ATP9B: variants seen among roughly 807,000 people sequenced by gnomAD.
ATP9B encodes the protein probable phospholipid-transporting ATPase IIB.
In ATP9B, 110 loss-of-function variants were observed where a neutral mutation model predicts 146.1. The observed-to-expected ratio is 0.75, with a 90% CI of 0.65 to 0.88. The LOEUF (loss-of-function observed/expected upper bound fraction) is 0.88, where lower values mean the gene tolerates loss of function less well. ATP9B is among the 40% of genes least tolerant of loss of function. The pLI, the probability that ATP9B is intolerant of heterozygous loss-of-function variation, is 0.00. For missense variants in ATP9B, 1,499 were observed against 1,496.4 expected, an observed-to-expected ratio of 1.00 and a Z score of -0.03; for synonymous variants, 604 against 569.7, an observed-to-expected ratio of 1.06 and a Z score of -0.86.
At chr18:79,078,147 G>C (rs540369666) in intron 1 of ATP9B, 4 of 152,450 alleles carry the variant, frequency 2.6e-5, no homozygotes, top group African/African-American at 9.6e-5. Context: ...ACTCTTTGCT[G>C]TTCAATGTAG....
At chr18:79,270,096 T>C in intron 12 of ATP9B, among the ~76,000 whole-genome samples, 1 of 152,246 alleles carries the variant, frequency 6.6e-6, no homozygotes, top group Non-Finnish European at 1.5e-5. Context: ...CCTTTCTTCT[T>C]AGCCTTTTGG....
At chr18:79,348,289 A>C in intron 25 of ATP9B, 93 bp downstream of exon 25, 13 of 1,166,792 alleles carry the variant, frequency 1.1e-5, no homozygotes, top group Non-Finnish European at 1.6e-5. Context: ...TATATAGAAG[A>C]TTCTTGATAC....
At chr18:79,197,157 A>G (rs895911784) in intron 9 of ATP9B, among the ~76,000 whole-genome samples, 1 of 152,200 alleles carries the variant, frequency 6.6e-6, no homozygotes, top group Non-Finnish European at 1.5e-5. Context: ...TAAAATTGGT[A>G]AGCAGTAACA....
At chr18:79,143,103 C>A (rs1348376510) in intron 5 of ATP9B, among the ~76,000 whole-genome samples, 1 of 151,744 alleles carries the variant, frequency 6.6e-6, no homozygotes, top group Non-Finnish European at 1.5e-5. Flanking sequence ...GGGGCAGAGA[C>A]AGACAGAAAG....
intron 11 of ATP9B, among the ~76,000 whole-genome samples, chr18:79,248,866 G>A (rs2095995046): frequency 6.6e-6 from 1 of 152,184 alleles, no homozygotes; most frequent in South Asian, 2.1e-4. Flanking sequence ...TTCACCCAGG[G>A]TGACATCATC....
Position 79,344,154 on chromosome 18 carries a change from GATA to G in ATP9B, c.2383-106_2383-104del, listed in dbSNP as rs562117369. On this transcript the variant is annotated intron_variant, in intron 20 of 29. Transcript: ENST00000426216. ...AAATACTAAAGCTCCTTTGGTTTTA[GATA>G]ATAACCCCAGAACATTCCACTGTGA... 1.3e-4 allele frequency: 139 copies of G among 1,036,960 alleles called. No homozygotes were observed. The East Asian group carries it at 2.9e-3, about 21-fold the overall frequency. The allele number at this position is 1,036,960 out of a possible 1,614,324, so 64.2% of individuals were successfully genotyped here.
chr18:79,200,789 G>GGAGGTGGGGACTGTCGGGGTCAGA, intron 9 of ATP9B, among the ~76,000 whole-genome samples: 1 of 79,122 alleles, frequency 1.3e-5, no homozygotes, highest in Non-Finnish European at 2.9e-5. Context: ...AAGTAGTGGT[G>GGAGGTGGGGACTGTCGGGGTCAGA]GAATTGTTTT....
At chr18:79,321,179 T>C (rs988303536) in intron 15 of ATP9B, among the ~76,000 whole-genome samples, 1 of 152,200 alleles carries the variant, frequency 6.6e-6, no homozygotes, top group Non-Finnish European at 1.5e-5. Flanking sequence ...CTGCAGAGCA[T>C]GAATTAAGAT....
At chr18:79,167,264 C>T (rs574635482) in intron 7 of ATP9B, among the ~76,000 whole-genome samples, 14 of 152,252 alleles carry the variant, frequency 9.2e-5, no homozygotes, top group South Asian at 4.1e-4. Flanking sequence ...AGTTCTTGTC[C>T]GGCATCCAGG....
chr18:79,253,791 A>G (rs1039131947), intron 12 of ATP9B: 2 of 347,476 alleles, frequency 5.8e-6, no homozygotes, highest in South Asian at 9.3e-5. Context: ...TTCTTCAACA[A>G]TCAGAAGATA....
intron 15 of ATP9B, among the ~76,000 whole-genome samples, chr18:79,327,307 C>G (rs1225759637): frequency 6.6e-6 from 1 of 152,118 alleles, no homozygotes; most frequent in Non-Finnish European, 1.5e-5. Flanking sequence ...GAGGACTCAC[C>G]CAGGCTGTGA....
rs984474531 is a variant in ATP9B, at chr18:79,303,982, T to C, written c.1524+266T>C. On this transcript the variant is annotated intron_variant, in intron 14 of 29. Coordinates refer to ENST00000426216, the MANE Select transcript of ATP9B (RefSeq NM_198531.5). ...TAGTGAGTTATTTGTAAAAAATTATTCAGTAAACATTGTAGTTGAAGAATG... is the reference window on the plus strand; with the variant it reads ...TAGTGAGTTATTTGTAAAAAATTATCCAGTAAACATTGTAGTTGAAGAATG... Among the ~76,000 whole-genome samples, 7 of 152,352 alleles carry C rather than the reference T, an allele frequency of 4.6e-5. No homozygotes were observed. In the South Asian group the frequency reaches 1.5e-3, roughly 32 times the overall value.
At chr18:79,108,558 A>AGC (rs1270502764) in intron 2 of ATP9B, among the ~76,000 whole-genome samples, 3 of 152,188 alleles carry the variant, frequency 2.0e-5, no homozygotes, top group Non-Finnish European at 4.4e-5. Flanking sequence ...ACTCTTGCAA[A>AGC]GCTCAGTCTT....
intron 11 of ATP9B, among the ~76,000 whole-genome samples, chr18:79,240,008 C>T (rs1016407081): frequency 1.3e-5 from 2 of 152,200 alleles, no homozygotes; most frequent in Non-Finnish European, 2.9e-5. Context: ...CAGTCCCAAG[C>T]TTGCCTGCGC....
chr18:79,104,671 A>G (rs2075533394), intron 2 of ATP9B, among the ~76,000 whole-genome samples: 1 of 152,214 alleles, frequency 6.6e-6, no homozygotes, highest in South Asian at 2.1e-4. Context: ...TATAGATGGT[A>G]GCAGCAAAAA....
At chr18:79,169,842 T>C (rs1284245046) in intron 7 of ATP9B, among the ~76,000 whole-genome samples, 7 of 152,182 alleles carry the variant, frequency 4.6e-5, no homozygotes, top group Admixed American at 4.6e-4. Flanking sequence ...TTCAGGCTGT[T>C]TACTACATGG....
At chr18:79,317,662 A>T (rs2096688932) in intron 15 of ATP9B, among the ~76,000 whole-genome samples, 1 of 152,250 alleles carries the variant, frequency 6.6e-6, no homozygotes, top group Non-Finnish European at 1.5e-5. Flanking sequence ...TCCTTAGAGT[A>T]CAGGTAAAGG....
chr18:79,265,070 C>A (rs2096188274), intron 12 of ATP9B, among the ~76,000 whole-genome samples: 1 of 152,194 alleles, frequency 6.6e-6, no homozygotes, highest in Non-Finnish European at 1.5e-5. Context: ...TCCCACCCTC[C>A]AGCCTCCGAC....
chr18:79,085,017 AAAG>A (rs2073673584), intron 1 of ATP9B: 1 of 152,196 alleles, frequency 6.6e-6, no homozygotes, highest in Non-Finnish European at 1.5e-5. Flanking sequence ...AAAAAAAAAA[AAAG>A]GTTTAATTGG....
Sources: gnomAD v4.1 joint callset for allele counts (sites outside exome capture counted in the v4.1 genomes callset) on GRCh38, gnomAD v4.1.1 for gene constraint, MANE v1.5 for transcripts, NCBI Gene and HGNC (gene_info 2026-07-23, HGNC 2026-07-21) for gene names.